CCDC169: variants seen among roughly 807,000 people sequenced by gnomAD.
The protein encoded by CCDC169 is coiled-coil domain containing 169, also known as coiled-coil domain-containing protein 169.
Under a neutral mutation model 36.0 loss-of-function variants are expected in CCDC169, and 30 were observed. That is an observed-to-expected ratio of 0.83 (90% CI 0.62 to 1.13). The LOEUF is 1.13. Among genes scored for constraint, CCDC169 ranks in the 50% most tolerant of loss-of-function variants. The pLI is 0.00. For missense variants in CCDC169, 245 were observed against 245.9 expected (o/e 1.00, Z 0.03); for synonymous variants, 85 against 81.5 (o/e 1.04, Z -0.23).
chr13:36,286,575 G>A (rs1446979518), intron 2 of CCDC169, among the ~76,000 whole-genome samples: 1 of 152,146 alleles, frequency 6.6e-6, no homozygotes, highest in South Asian at 2.1e-4. Context: ...CTGTTTGTCC[G>A]TGTGTGAGAT....
At chr13:36,275,057 A>C (rs1455869582) in intron 4 of CCDC169, among the ~76,000 whole-genome samples, 3 of 151,866 alleles carry the variant, frequency 2.0e-5, no homozygotes, top group Non-Finnish European at 4.4e-5. Flanking sequence ...TTTAGTAGAG[A>C]CGGGGTTTCA....
At chr13:36,237,445 C>A (rs569085854) in intron 7 of CCDC169, among the ~76,000 whole-genome samples, 1 of 151,956 alleles carries the variant, frequency 6.6e-6, no homozygotes, top group Non-Finnish European at 1.5e-5. Context: ...TAGGCATGCA[C>A]CAAAGAGAAT....
intron 2 of CCDC169, among the ~76,000 whole-genome samples, chr13:36,291,423 G>A (rs1201701106): frequency 6.6e-6 from 1 of 151,992 alleles, no homozygotes. Context: ...TCATATTTCT[G>A]GTCAGGAATA....
Position 36,235,238 on chromosome 13 carries a change from A to G in CCDC169, c.546-3946T>C, listed in dbSNP as rs74045273. On this transcript the variant is annotated intron_variant, in intron 7 of 7. Transcript: ENST00000239859. ...TGGCTTCGCTGGTAAATTCTACCAC[A>G]TATTAAATCATACATATATAAAACC... Among the ~76,000 whole-genome samples the G allele has an allele frequency of 3.9e-3, 590 of 151,994 alleles. 2 individuals carry two copies. The highest frequency in any genetic ancestry group is 0.014 in the African/African-American group (566 of 41,512).
intron 7 of CCDC169, among the ~76,000 whole-genome samples, chr13:36,242,140 C>T (rs910998351): frequency 6.6e-6 from 1 of 152,166 alleles, no homozygotes; most frequent in South Asian, 2.1e-4. Flanking sequence ...ATAAATTATC[C>T]AGTCTCAGGT....
intron 6 of CCDC169, 69 bp from the exon 7 acceptor site, chr13:36,248,751 C>A: frequency 7.5e-7 from 1 of 1,342,106 alleles, no homozygotes; most frequent in Non-Finnish European, 1.0e-6. Flanking sequence ...GAGAGACAGT[C>A]AATTCTCAAT....
intron 7 of CCDC169, among the ~76,000 whole-genome samples, chr13:36,246,172 G>A (rs1449441804): frequency 6.6e-6 from 1 of 152,202 alleles, no homozygotes; most frequent in Non-Finnish European, 1.5e-5. Context: ...GAAGTAGAAG[G>A]AAGAGTTGCA....
chr13:36,222,174 G>T (rs1869646612), downstream of CCDC169: 1 of 152,146 alleles, frequency 6.6e-6, no homozygotes, highest in Admixed American at 6.5e-5. Flanking sequence ...TGCACCTTAA[G>T]ACTATGACCC....
chr13:36,243,185 T>C (rs567814614), intron 7 of CCDC169, among the ~76,000 whole-genome samples: 1 of 152,282 alleles, frequency 6.6e-6, no homozygotes, highest in African/African-American at 2.4e-5. Context: ...CCCACAGGTG[T>C]TGATCCTAAG....
chr13:36,285,273 G>C (rs1338249561), intron 2 of CCDC169, among the ~76,000 whole-genome samples: 1 of 152,104 alleles, frequency 6.6e-6, no homozygotes, highest in Non-Finnish European at 1.5e-5. Flanking sequence ...AGCCAGCCAG[G>C]CACGGTGGCT....
chr13:36,231,863 A>G (rs1426870957), intron 7 of CCDC169, among the ~76,000 whole-genome samples: 1 of 152,108 alleles, frequency 6.6e-6, no homozygotes, highest in Non-Finnish European at 1.5e-5. Flanking sequence ...CTCTTCTCAT[A>G]TATTGTAATT....
intron 7 of CCDC169, among the ~76,000 whole-genome samples, chr13:36,232,293 A>G (rs1031316402): frequency 1.3e-5 from 2 of 152,204 alleles, no homozygotes; most frequent in African/African-American, 4.8e-5. Flanking sequence ...GAGGAATTTC[A>G]TTATTTAAAC....
chr13:36,253,978 G>A, intron 5 of CCDC169, 67 bp downstream of exon 5: 1 of 1,159,742 alleles, frequency 8.6e-7, no homozygotes, highest in Admixed American at 2.4e-5. Context: ...TATAGAGTAG[G>A]TTTGTAGATA....
At chr13:36,283,773 T>A (rs1877833627) in intron 2 of CCDC169, 71 bp from the exon 3 acceptor site, 3 of 1,175,394 alleles carry the variant, frequency 2.6e-6, no homozygotes, top group Non-Finnish European at 3.7e-6. Flanking sequence ...AATAACATTA[T>A]GAGCTTGATC....
intron 4 of CCDC169, chr13:36,280,165 G>A (rs1416285938): frequency 6.6e-6 from 1 of 152,064 alleles, no homozygotes; most frequent in Non-Finnish European, 1.5e-5. Flanking sequence ...ACAACATGTA[G>A]AGAGATATTA....
At chr13:36,276,316 T>A (rs1876824644) in intron 4 of CCDC169, among the ~76,000 whole-genome samples, 1 of 152,188 alleles carries the variant, frequency 6.6e-6, no homozygotes, top group Admixed American at 6.5e-5. Flanking sequence ...TCCGTAAGTT[T>A]TGGGTTTTCA....
At chr13:36,270,410 GAAA>G (rs900644017) in intron 4 of CCDC169, among the ~76,000 whole-genome samples, 1 of 150,762 alleles carries the variant, frequency 6.6e-6, no homozygotes, top group African/African-American at 2.4e-5. Flanking sequence ...CACGGAATTA[GAAA>G]AAAAAATCCT....
intron 4 of CCDC169, among the ~76,000 whole-genome samples, chr13:36,278,998 C>A (rs1877181916): frequency 2.0e-5 from 3 of 152,164 alleles, no homozygotes; most frequent in Admixed American, 6.6e-5. Context: ...TCATTAAATT[C>A]TCTTGCAGTC....
intron 2 of CCDC169, among the ~76,000 whole-genome samples, chr13:36,291,780 T>C (rs1317680079): frequency 2.0e-5 from 3 of 152,156 alleles, no homozygotes; most frequent in Non-Finnish European, 4.4e-5. Context: ...TTGAGATAAA[T>C]AGAAGTATTC....
Sources: gnomAD v4.1 joint callset for allele counts (sites outside exome capture counted in the v4.1 genomes callset) on GRCh38, gnomAD v4.1.1 for gene constraint, MANE v1.5 for transcripts, NCBI Gene and HGNC (gene_info 2026-07-23, HGNC 2026-07-21) for gene names.